CUX1: variants seen among roughly 807,000 people sequenced by gnomAD.
CUX1 encodes the protein cut like homeobox 1.
In CUX1, 31 loss-of-function variants were observed where a neutral mutation model predicts 158.8. The ratio of observed to expected loss-of-function variants is 0.20; its 90% CI spans 0.15 to 0.26. The LOEUF (loss-of-function observed/expected upper bound fraction) is 0.26. Ranked by LOEUF, CUX1 falls within the 10% of genes least tolerant of loss-of-function variation. The pLI, the probability that CUX1 is intolerant of heterozygous loss-of-function variation, is 1.00. For missense variants in CUX1, 1,589 were observed against 2,014.6 expected, an observed-to-expected ratio of 0.79 and a Z score of 4.04; for synonymous variants, 879 against 862.1, an observed-to-expected ratio of 1.02 and a Z score of -0.34.
intron 20 of CUX1, among the ~76,000 whole-genome samples, chr7:102,205,510 G>A (rs423452): frequency 0.49 from 74,791 of 151,994 alleles, 20,251 homozygotes; most frequent in East Asian, 0.91. Context: ...ACGGGCACAC[G>A]TCCCTCTCCT....
intron 2 of CUX1, among the ~76,000 whole-genome samples, chr7:102,012,030 G>A (rs887838401): frequency 4.0e-5 from 6 of 151,482 alleles, no homozygotes; most frequent in Non-Finnish European, 7.4e-5. Flanking sequence ...GCTGGTTGAC[G>A]CTTGAATTTA....
chr7:101,928,223 G>A (rs1460921666), intron 2 of CUX1, among the ~76,000 whole-genome samples: 2 of 152,000 alleles, frequency 1.3e-5, no homozygotes, highest in Non-Finnish European at 1.5e-5. Context: ...TAACGACCTC[G>A]GAGTCATTAT....
intron 9 of CUX1, among the ~76,000 whole-genome samples, chr7:102,165,439 C>G (rs965829646): frequency 2.0e-5 from 3 of 151,180 alleles, no homozygotes; most frequent in African/African-American, 2.4e-5. Context: ...TGCACCCTCC[C>G]CCTCCCAGAT....
chr7:101,860,691 C>T (rs777609767), intron 1 of CUX1, among the ~76,000 whole-genome samples: 64 of 151,896 alleles, frequency 4.2e-4, no homozygotes, highest in Non-Finnish European at 8.0e-4. Context: ...CCTGTCCTGT[C>T]CTTTCCTTTC....
intron 6 of CUX1, among the ~76,000 whole-genome samples, chr7:102,110,838 A>G (rs1830811002): frequency 6.6e-6 from 1 of 152,186 alleles, no homozygotes; most frequent in African/African-American, 2.4e-5. Flanking sequence ...GAAAAATACA[A>G]ATGAACTCCA....
chr7:102,156,006 C>G (rs1459917361), intron 8 of CUX1, among the ~76,000 whole-genome samples: 2 of 152,176 alleles, frequency 1.3e-5, no homozygotes, highest in Admixed American at 6.5e-5. Flanking sequence ...TCAGACCAGT[C>G]TGAAAGCCGG....
At chr7:102,204,994 C>G in intron 19 of CUX1, 120 bp from the exon 20 acceptor site, 1 of 709,082 alleles carries the variant, frequency 1.4e-6, no homozygotes, top group Admixed American at 2.5e-5. Context: ...CCGTGGGTCC[C>G]CATGCCCGCC....
chr7:101,858,588 C>G (rs1183312786), intron 1 of CUX1, among the ~76,000 whole-genome samples: 1 of 151,712 alleles, frequency 6.6e-6, no homozygotes, highest in Non-Finnish European at 1.5e-5. Context: ...TCAGTGAGCC[C>G]TATGTTGAGT....
At chr7:101,972,165 A>G (rs1217036783) in intron 2 of CUX1, among the ~76,000 whole-genome samples, 3 of 152,052 alleles carry the variant, frequency 2.0e-5, no homozygotes, top group Non-Finnish European at 2.9e-5. Context: ...ACGGGGTTTC[A>G]CCGTGTTAGC....
chr7:102,127,166 A>G (rs370757545), intron 8 of CUX1, among the ~76,000 whole-genome samples: 2 of 152,176 alleles, frequency 1.3e-5, no homozygotes, highest in Non-Finnish European at 2.9e-5. Flanking sequence ...AGATGTGGCC[A>G]AGGGACTGGG....
chr7:101,856,745 A>G (rs1452478031), intron 1 of CUX1, among the ~76,000 whole-genome samples: 2 of 152,180 alleles, frequency 1.3e-5, no homozygotes, highest in African/African-American at 4.8e-5. Context: ...GACTTTCACG[A>G]GGAGTTGACA....
intron 3 of CUX1, among the ~76,000 whole-genome samples, chr7:102,063,873 G>A (rs555167466): frequency 4.7e-4 from 71 of 152,332 alleles, no homozygotes; most frequent in Non-Finnish European, 8.4e-4. Flanking sequence ...AGTTTTCCAG[G>A]AATTCAGTAT....
intron 2 of CUX1, among the ~76,000 whole-genome samples, chr7:101,919,628 T>C (rs1272579374): frequency 1.3e-5 from 2 of 151,642 alleles, no homozygotes; most frequent in Non-Finnish European, 2.9e-5. Context: ...CGCCCACGTC[T>C]CTCTTTGTTC....
At chr7:102,151,727 C>CAAAAAAAA (rs1159017025) in intron 8 of CUX1, among the ~76,000 whole-genome samples, 3 of 38,878 alleles carry the variant, frequency 7.7e-5, no homozygotes, top group African/African-American at 9.0e-5. Context: ...GACTCTGTCT[C>CAAAAAAAA]AAAAAAAAAA....
At chr7:101,837,575 T>G (rs1794760227) in intron 1 of CUX1, among the ~76,000 whole-genome samples, 1 of 152,006 alleles carries the variant, frequency 6.6e-6, no homozygotes, top group South Asian at 2.1e-4. Flanking sequence ...ATGCCTGTAA[T>G]CCCAGGACTT....
At chr7:101,850,421 CTTTTTTTTTTTTT>C (rs545679696) in intron 1 of CUX1, among the ~76,000 whole-genome samples, 1 of 104,660 alleles carries the variant, frequency 9.6e-6, no homozygotes, top group African/African-American at 4.0e-5. Context: ...TTCTTTCTTT[CTTTTTTTTTTTTT>C]TTTTTTTGAG....
chr7:102,150,187 G>A (rs548819208), intron 8 of CUX1, among the ~76,000 whole-genome samples: 1 of 152,004 alleles, frequency 6.6e-6, no homozygotes, highest in African/African-American at 2.4e-5. Flanking sequence ...ACAGGGTCTC[G>A]CTCTGGTACC....
chr7:102,121,634 C>G (rs1554493546), intron 8 of CUX1, among the ~76,000 whole-genome samples: 1 of 152,144 alleles, frequency 6.6e-6, no homozygotes, highest in African/African-American at 2.4e-5. Context: ...GTGTGAGCAG[C>G]TGGGATGGAT....
chr7:102,016,648 G>T (rs1433463181), intron 2 of CUX1, among the ~76,000 whole-genome samples: 1 of 152,192 alleles, frequency 6.6e-6, no homozygotes, highest in Non-Finnish European at 1.5e-5. Flanking sequence ...ATATGCAATT[G>T]CATTGCTTTA....
Sources: gnomAD v4.1 joint callset for allele counts (sites outside exome capture counted in the v4.1 genomes callset) on GRCh38, gnomAD v4.1.1 for gene constraint, MANE v1.5 for transcripts, NCBI Gene and HGNC (gene_info 2026-07-23, HGNC 2026-07-21) for gene names.